ERVH48-1: variants seen among roughly 807,000 people sequenced by gnomAD.
ERVH48-1 encodes endogenous retrovirus group 48 member 1, envelope.
ERVH48-1 carries 4 observed loss-of-function variants against 2.4 expected under a neutral mutation model. The ratio of observed to expected loss-of-function variants is 1.68; its 90% confidence interval spans 0.83 to 3.84. The LOEUF is 3.84. Among genes scored for constraint, ERVH48-1 ranks in the 30% most tolerant of loss-of-function variants. The probability of loss-of-function intolerance (pLI) is 0.01; values close to 1 mark genes in which losing one functional copy is unlikely to be tolerated. For missense variants in ERVH48-1, 97 were observed against 43.4 expected (o/e 2.23, Z -3.47); for synonymous variants, 32 against 15.5 (o/e 2.06, Z -2.49).
At chr21:42,923,985 A>G (rs1033591504) in intron 1 of ERVH48-1, among the ~76,000 whole-genome samples, 2 of 152,268 alleles carry the variant, frequency 1.3e-5, no homozygotes, top group Non-Finnish European at 2.9e-5. Flanking sequence ...TAAGATCTTC[A>G]GTTCCTGCTA....
At chr21:42,920,188 G>A (rs561019136) in intron 1 of ERVH48-1, among the ~76,000 whole-genome samples, 103 of 145,916 alleles carry the variant, frequency 7.1e-4, no homozygotes, top group African/African-American at 2.6e-3. Context: ...TGAGGACAGC[G>A]AAGCGCACTT....
intron 1 of ERVH48-1, among the ~76,000 whole-genome samples, chr21:42,921,959 G>A (rs2058807241): frequency 6.6e-6 from 1 of 152,182 alleles, no homozygotes; most frequent in South Asian, 2.1e-4. Flanking sequence ...AGGGACTACT[G>A]GACATACTGG....
Position 42,918,950 on chromosome 21 carries a change from A to G in ERVH48-1, c.57T>C (p.Asn19=), listed in dbSNP as rs2058797238. The part of the protein sequence containing the change: ...FYTSLPTKSL[N]MGISLTTILI... ...GGATCGTGGTGAGGGATATTCCCAT[A>G]TTAAGACTTTTGGTTGGAAGAGAGG... Residue 19 remains asparagine (N), a synonymous_variant, in exon 2 of 2, where the codon AAT becomes AAC. Transcript: ENST00000447535. 3 of 750,372 alleles carry G rather than the reference A, an allele frequency of 4.0e-6. No homozygotes were observed. The highest frequency in any genetic ancestry group is 6.0e-6 in the Non-Finnish European group (3 of 496,302). The allele number at this position is 750,372 out of a possible 1,614,324, so 46.5% of individuals were successfully genotyped here. A position where few individuals can be genotyped will look rare whatever the true frequency, so the allele number is the denominator to read the frequency against.
At chr21:42,921,578 A>C (rs985216954) in intron 1 of ERVH48-1, among the ~76,000 whole-genome samples, 1 of 152,078 alleles carries the variant, frequency 6.6e-6, no homozygotes, top group Non-Finnish European at 1.5e-5. Context: ...AAAGAGAGAT[A>C]GTATGGGCAT....
Position 42,919,276 on chromosome 21 carries a change from A to C in ERVH48-1, c.-270T>G. On this transcript the variant is annotated 5_prime_UTR_variant, in exon 2 of 2. Coordinates refer to ENST00000447535, the MANE Select transcript of ERVH48-1 (RefSeq NM_001308491.2). ...CTTTTTGTGAGGGTCAGTTTGGCCGATAAACACGTCTGTGCCTGCAAGACA... is the reference window on the plus strand; with the variant it reads ...CTTTTTGTGAGGGTCAGTTTGGCCGCTAAACACGTCTGTGCCTGCAAGACA... 1 of 264,276 alleles carries C rather than the reference A, an allele frequency of 3.8e-6. No individual in the cohort carries two copies. The highest frequency in any genetic ancestry group is 7.5e-6 in the Non-Finnish European group (1 of 133,394). 16.4% of individuals were successfully genotyped at this position (264,276 alleles called of 1,614,324 possible).
intron 1 of ERVH48-1, among the ~76,000 whole-genome samples, chr21:42,920,080 G>A (rs1389347028): frequency 7.1e-5 from 2 of 28,298 alleles, no homozygotes; most frequent in Non-Finnish European, 1.5e-4. Context: ...TGTACCCGAC[G>A]AGGACAAATG....
rs906776224 is a variant in ERVH48-1, at chr21:42,919,222, G to A, written c.-216C>T. The stretch of plus-strand genomic sequence containing the variant: ...TGCAGTTGGTGTGCTGAGTATCACA[G>A]TGTAGGGGCCTGTCCACTTCGGTGG... On this transcript the variant is annotated 5_prime_UTR_variant, in exon 2 of 2. Transcript: ENST00000447535. 1 of 396,596 alleles carries A rather than the reference G, an allele frequency of 2.5e-6. No homozygotes were observed. 24.6% of individuals were successfully genotyped at this position (396,596 alleles called of 1,614,324 possible). A position where few individuals can be genotyped will look rare whatever the true frequency, so the allele number is the denominator to read the frequency against.
Position 42,918,389 on chromosome 21 carries a change from A to G in ERVH48-1, c.*135T>C. 1 of 366,822 alleles carries G rather than the reference A, an allele frequency of 2.7e-6. No homozygotes were observed. The highest frequency in any genetic ancestry group is 2.1e-5 in the South Asian group (1 of 47,968). 22.7% of individuals were successfully genotyped at this position (366,822 alleles called of 1,614,324 possible). On this transcript the variant is annotated 3_prime_UTR_variant, in exon 2 of 2. Coordinates refer to ENST00000447535, the MANE Select transcript of ERVH48-1 (RefSeq NM_001308491.2). The stretch of plus-strand genomic sequence containing the variant: ...TGCCTGTAAGTAAGGGGGAATGTCT[A>G]TCCCGTCCCACAGCCACTGTTCACT...
At chr21:42,921,907 G>C (rs1376859222) in intron 1 of ERVH48-1, among the ~76,000 whole-genome samples, 4 of 152,156 alleles carry the variant, frequency 2.6e-5, no homozygotes, top group African/African-American at 2.4e-5. Flanking sequence ...CAGAAAAATG[G>C]GTGGTATTGG....
In ERVH48-1 at chr21:42,918,112, C is replaced by T; in HGVS notation, c.*412G>A. ...AGGGTTAGTGGTGTTCGTACAGTAC[C>T]AGGCCTTTTTTGACAAGACACAATT... On this transcript the variant is annotated 3_prime_UTR_variant, in exon 2 of 2. Transcript: ENST00000447535. 1 of 222,136 alleles carries T rather than the reference C, an allele frequency of 4.5e-6. No individual in the cohort carries two copies. Among genetic ancestry groups the T allele is most frequent in the South Asian group, 7.2e-5 (1 of 13,806 alleles). The allele number at this position is 222,136 out of a possible 1,614,324, so 13.8% of individuals were successfully genotyped here.
chr21:42,916,884 G>C lies in ERVH48-1; in HGVS notation c.*1640C>G. ...TGGCATCAGCCCCAAGTGAGGATGG[G>C]GCAGGGGTTTTATAGTCCTCTGTAA... On this transcript the variant is annotated 3_prime_UTR_variant, in exon 2 of 2. Coordinates refer to ENST00000447535, the MANE Select transcript of ERVH48-1 (RefSeq NM_001308491.2). 1 of 160,868 alleles carries C rather than the reference G, an allele frequency of 6.2e-6. No homozygotes were observed. Among genetic ancestry groups the C allele is most frequent in the South Asian group, 1.7e-4 (1 of 5,784 alleles). 10.0% of individuals were successfully genotyped at this position (160,868 alleles called of 1,614,324 possible).
At chr21:42,920,538 CAT>C (rs1490320054) in intron 1 of ERVH48-1, among the ~76,000 whole-genome samples, 14 of 152,100 alleles carry the variant, frequency 9.2e-5, no homozygotes, top group African/African-American at 3.4e-4. Flanking sequence ...ACGTGGAACA[CAT>C]AATGAGAATC....
chr21:42,919,586 T>C (rs1302998247), intron 1 of ERVH48-1, among the ~76,000 whole-genome samples: 1 of 152,186 alleles, frequency 6.6e-6, no homozygotes, highest in Non-Finnish European at 1.5e-5. Flanking sequence ...TGAGTTGGGC[T>C]TTAAGGACAG....
At chr21:42,923,413 T>A (rs998620104) in intron 1 of ERVH48-1, among the ~76,000 whole-genome samples, 18 of 152,172 alleles carry the variant, frequency 1.2e-4, no homozygotes, top group African/African-American at 4.3e-4. Context: ...TCGTCAAGCT[T>A]CTGAAGCTTG....
chr21:42,924,421 C>T (rs940961586), intron 1 of ERVH48-1, among the ~76,000 whole-genome samples: 1 of 151,728 alleles, frequency 6.6e-6, no homozygotes, highest in Admixed American at 6.6e-5. Flanking sequence ...GAGTTAGGGT[C>T]GGGAGGAGAA....
At chr21:42,921,717 G>T (rs570809454) in intron 1 of ERVH48-1, among the ~76,000 whole-genome samples, 4 of 151,430 alleles carry the variant, frequency 2.6e-5, no homozygotes, top group Admixed American at 2.0e-4. Flanking sequence ...AAAACCTTGA[G>T]GTAGTAGGCA....
chr21:42,918,466 A>G lies in ERVH48-1; in HGVS notation c.*58T>C, dbSNP rs1169466524. On this transcript the variant is annotated 3_prime_UTR_variant, in exon 2 of 2. Transcript: ENST00000447535. ...ATTGGACACATTCATGGTAAGCACA[A>G]TGGTTCTCCTAGATCTACAAACAGA... is the stretch of plus-strand genomic sequence containing the variant. The G allele has an allele frequency of 1.4e-5, 6 of 415,570 alleles. No individual in the cohort carries two copies. The highest frequency in any genetic ancestry group is 2.7e-5 in the Admixed American group (1 of 37,692). The allele number at this position is 415,570 out of a possible 1,614,324, so 25.7% of individuals were successfully genotyped here.
intron 1 of ERVH48-1, among the ~76,000 whole-genome samples, chr21:42,920,850 C>T (rs1319465275): frequency 1.3e-5 from 2 of 152,038 alleles, no homozygotes. Context: ...AGAGTGTGGC[C>T]GGGTTTAGAC....
chr21:42,921,997 G>A (rs2058807343), intron 1 of ERVH48-1, among the ~76,000 whole-genome samples: 2 of 152,202 alleles, frequency 1.3e-5, no homozygotes. Context: ...TGAGCCTGAA[G>A]TCCTGGACTA....
Sources: allele counts gnomAD v4.1 joint callset (sites outside exome capture counted in the v4.1 genomes callset), GRCh38; gene constraint gnomAD v4.1.1; transcripts MANE v1.5; gene names NCBI Gene and HGNC (gene_info 2026-07-23, HGNC 2026-07-21).